Variants in LYRM4 observed in about 807,000 individuals in gnomAD.
The protein encoded by LYRM4 is LYR motif-containing protein 4.
A neutral mutation model predicts 11.7 loss-of-function variants in LYRM4; 9 were observed. The ratio of observed to expected loss-of-function variants is 0.77; its 90% CI spans 0.46 to 1.34. The LOEUF (loss-of-function observed/expected upper bound fraction) is 1.34, where lower values mean the gene tolerates loss of function less well. Ranked by LOEUF, LYRM4 falls within the 40% of genes most tolerant of loss-of-function variation. The probability of loss-of-function intolerance (pLI) is 0.00; values close to 1 mark genes in which losing one functional copy is unlikely to be tolerated. For synonymous variants in LYRM4, 42 were observed against 40.4 expected, an observed-to-expected ratio of 1.04 and a Z score of -0.15; for missense variants, 133 against 112.5, an observed-to-expected ratio of 1.18 and a Z score of -0.82.
intron 2 of LYRM4, among the ~76,000 whole-genome samples, chr6:5,147,016 C>A (rs1011653599): frequency 6.6e-6 from 1 of 150,548 alleles, no homozygotes; most frequent in Admixed American, 6.6e-5. Context: ...CATCATCTAT[C>A]CCCCAGAGGC....
At chr6:5,145,275 G>A (rs1757654378) in intron 2 of LYRM4, among the ~76,000 whole-genome samples, 1 of 152,212 alleles carries the variant, frequency 6.6e-6, no homozygotes. Context: ...GAGAGAAAGT[G>A]CAGTTTCGGT....
chr6:5,152,747 T>C (rs1758162422), intron 2 of LYRM4, among the ~76,000 whole-genome samples: 3 of 152,224 alleles, frequency 2.0e-5, no homozygotes, highest in Admixed American at 2.0e-4. Flanking sequence ...TGCGTGTTTC[T>C]GGGGAAAGCC....
chr6:5,090,912 T>TGTGG, the LYRM4 span, among the ~76,000 whole-genome samples: 4 of 152,190 alleles, frequency 2.6e-5, no homozygotes, highest in Non-Finnish European at 5.9e-5. The surrounding 1 kb of genome is among the most constrained non-coding windows in gnomAD (Gnocchi z 4.8). Flanking sequence ...CTTGGAGCCT[T>TGTGG]GTGGGGCAGA....
At position 5,202,661 on chromosome 6, in the gene LYRM4, T is replaced by C. The variant is rs79217797; in HGVS notation, c.207+13957A>G. Among the ~76,000 whole-genome samples, 948 of 152,272 alleles carry C rather than the reference T, an allele frequency of 6.2e-3. 12 individuals carry two copies. The highest frequency in any genetic ancestry group is 0.05 in the South Asian group (241 of 4,814). ...TCTCCCTAGTTCTCCCAAGAAAAGA[T>C]GAATAGCCTGCCATAAGTTCGTATG... is the stretch of plus-strand genomic sequence containing the variant. On this transcript the variant is annotated intron_variant, in intron 2 of 2. Transcript: ENST00000330636.
chr6:5,131,562 G>A (rs1763953942), intron 2 of LYRM4, among the ~76,000 whole-genome samples: 1 of 152,102 alleles, frequency 6.6e-6, no homozygotes, highest in Admixed American at 6.5e-5. Flanking sequence ...AATTGTGCCT[G>A]CAAAAAAGCT....
chr6:5,126,326 G>A (rs2127607749), intron 2 of LYRM4, among the ~76,000 whole-genome samples: 1 of 152,294 alleles, frequency 6.6e-6, no homozygotes, highest in South Asian at 2.1e-4. Flanking sequence ...AATGCTCAGG[G>A]GAATGGAAAC....
chr6:5,117,102 AGAAAATCTACCAT>A (rs1763152654), intron 2 of LYRM4, among the ~76,000 whole-genome samples: 1 of 152,234 alleles, frequency 6.6e-6, no homozygotes. Context: ...CTAGATATGA[AGAAAATCTACCAT>A]TTTCCCCAGT....
chr6:5,112,336 T>G (rs1412129141), intron 2 of LYRM4, among the ~76,000 whole-genome samples: 1 of 152,170 alleles, frequency 6.6e-6, no homozygotes, highest in Non-Finnish European at 1.5e-5. Flanking sequence ...CGCACAGTCC[T>G]GGTAGACAAC....
chr6:5,122,352 A>T (rs781556970), intron 2 of LYRM4, among the ~76,000 whole-genome samples: 1 of 152,164 alleles, frequency 6.6e-6, no homozygotes, highest in Non-Finnish European at 1.5e-5. Context: ...AGAGTTTCAC[A>T]ATTTCCAGAG....
chr6:5,129,139 C>G (rs941224684), intron 2 of LYRM4, among the ~76,000 whole-genome samples: 3 of 152,326 alleles, frequency 2.0e-5, no homozygotes, highest in Admixed American at 6.5e-5. Context: ...GATCTTCGGA[C>G]TGCGTCTACC....
the LYRM4 span, chr6:5,042,373 C>T: frequency 2.0e-5 from 3 of 152,098 alleles, no homozygotes; most frequent in Non-Finnish European, 2.9e-5. Flanking sequence ...TTAAAATAAT[C>T]GGCACCACCC....
At chr6:5,218,323 G>T (rs1303947393) in intron 1 of LYRM4, 1 of 985,026 alleles carries the variant, frequency 1.0e-6, no homozygotes, top group Non-Finnish European at 1.2e-6. Context: ...TACAGGCAAA[G>T]AAATGAGAGG....
At chr6:5,204,831 C>G (rs530986947) in intron 2 of LYRM4, among the ~76,000 whole-genome samples, 63 of 152,342 alleles carry the variant, frequency 4.1e-4, no homozygotes, top group Middle Eastern at 6.8e-3. Context: ...TGATCAGCAG[C>G]TTTGCTGTTT....
chr6:5,251,450 G>C (rs562385256), intron 1 of LYRM4, among the ~76,000 whole-genome samples: 2 of 152,228 alleles, frequency 1.3e-5, no homozygotes, highest in South Asian at 4.1e-4. Flanking sequence ...TCAGCTTTTG[G>C]GGAGGCCTCA....
At chr6:5,175,037 A>C (rs756634263) in intron 2 of LYRM4, among the ~76,000 whole-genome samples, 2 of 152,226 alleles carry the variant, frequency 1.3e-5, no homozygotes, top group Non-Finnish European at 2.9e-5. Flanking sequence ...TCTCAGTTAC[A>C]AGAATTCTTT....
chr6:5,186,886 A>G (rs1760428278), intron 2 of LYRM4: 1 of 423,912 alleles, frequency 2.4e-6, no homozygotes, highest in Non-Finnish European at 3.8e-6. Context: ...CGGGAGGCTG[A>G]GGCAGGAGAA....
the LYRM4 span, among the ~76,000 whole-genome samples, chr6:5,041,379 G>A: frequency 6.6e-6 from 1 of 152,098 alleles, no homozygotes; most frequent in Non-Finnish European, 1.5e-5. Flanking sequence ...TTGGTTTTTT[G>A]TAAAGGTTAC....
At chr6:5,183,789 T>G (rs391313) in intron 2 of LYRM4, among the ~76,000 whole-genome samples, 44,893 of 152,154 alleles carry the variant, frequency 0.3, 6,946 homozygotes, top group African/African-American at 0.4. Flanking sequence ...AGCCTGAATC[T>G]TATTTAATGC....
chr6:5,084,346 C>T, the LYRM4 span, among the ~76,000 whole-genome samples: 1 of 152,224 alleles, frequency 6.6e-6, no homozygotes, highest in Admixed American at 6.5e-5. Flanking sequence ...AAGGCCGGAG[C>T]AGCAGGGCGG....
Sources: gnomAD v4.1 joint callset for allele counts (sites outside exome capture counted in the v4.1 genomes callset) on GRCh38, gnomAD v4.1.1 for gene constraint, Gnocchi (gnomAD v3.1) non-coding constraint, MANE v1.5 for transcripts, NCBI Gene and HGNC (gene_info 2026-07-23, HGNC 2026-07-21) for gene names.